CYP2C19: variants seen among roughly 807,000 people sequenced by gnomAD.
CYP2C19 encodes cytochrome P450 family 2 subfamily C member 19.
CYP2C19 carries 59 observed loss-of-function variants against 40.9 expected under a neutral mutation model. The ratio of observed to expected loss-of-function variants is 1.44; its 90% CI spans 1.17 to 1.79. The LOEUF is 1.79. Ranked by LOEUF, CYP2C19 falls within the 40% of genes most tolerant of loss-of-function variation. The pLI is 0.00. For synonymous variants in CYP2C19, 253 were observed against 208.7 expected (o/e 1.21, Z -1.83); for missense variants, 754 against 596.9 (o/e 1.26, Z -2.74).
intron 5 of CYP2C19, among the ~76,000 whole-genome samples, chr10:94,816,579 C>CTT (rs199878684): frequency 2.1e-5 from 3 of 145,286 alleles, no homozygotes; most frequent in African/African-American, 7.5e-5. Context: ...TAGTCTCTTT[C>CTT]TTTTTTTTTT....
chr10:94,784,906 C>G (rs1049558305), intron 5 of CYP2C19, among the ~76,000 whole-genome samples: 3 of 152,038 alleles, frequency 2.0e-5, no homozygotes, highest in African/African-American at 7.2e-5. Context: ...GTGGTTTTAA[C>G]TTGTATTTAA....
chr10:94,852,791 C>T lies in CYP2C19; in HGVS notation c.1350C>T (p.Thr450=), dbSNP rs774515573. The T allele has an allele frequency of 4.3e-6, 7 of 1,613,936 alleles. No individual in the cohort carries two copies. Among genetic ancestry groups the T allele is most frequent in the Non-Finnish European group, 5.9e-6 (7 of 1,179,972 alleles). The change falls in exon 9 of 9, where the codon ACC becomes ACT. Residue 450 remains threonine, a synonymous_variant. Coordinates refer to ENST00000371321, the MANE Select transcript of CYP2C19 (RefSeq NM_000769.4). ...LARMELFLFL[T]FILQNFNLKS... Reference sequence around the variant, plus strand: ...GCATGGAGCTGTTTTTATTCCTGACCTTCATTTTACAGAACTTTAACCTGA... The same window carrying T: ...GCATGGAGCTGTTTTTATTCCTGACTTTCATTTTACAGAACTTTAACCTGA...
rs1220267274 is a variant in CYP2C19, at chr10:94,820,560, T to C, written c.884T>C (p.Leu295Pro). ...ENLVITAADL[L>P]GAGTETTSTT... ...TTGGTAATCACTGCAGCTGACTTAC[T>C]TGGAGCTGGGACAGAGACAACAAGC... Residue 295 changes from leucine to proline, a missense_variant, in exon 6 of 9, where the codon CTT becomes CCT. Leu to Pro is a moderately conservative substitution (Grantham distance 98). Coordinates refer to ENST00000371321, the MANE Select transcript of CYP2C19 (RefSeq NM_000769.4). 6.2e-7 allele frequency: 1 copy of C among 1,614,088 alleles called. No homozygotes were observed. Among genetic ancestry groups the C allele is most frequent in the Non-Finnish European group, 8.5e-7 (1 of 1,180,048 alleles).
intron 5 of CYP2C19, among the ~76,000 whole-genome samples, chr10:94,813,254 G>C (rs1848952808): frequency 6.6e-6 from 1 of 152,108 alleles, no homozygotes; most frequent in Non-Finnish European, 1.5e-5. Context: ...TCGTCCTAGA[G>C]GGACACTTGC....
chr10:94,797,607 C>A (rs1848707195), intron 5 of CYP2C19, among the ~76,000 whole-genome samples: 1 of 152,142 alleles, frequency 6.6e-6, no homozygotes, highest in East Asian at 1.9e-4. Flanking sequence ...AGCTGTGAAT[C>A]CTTCTGGTCC....
At chr10:94,811,416 G>T (rs1848921418) in intron 5 of CYP2C19, among the ~76,000 whole-genome samples, 1 of 152,118 alleles carries the variant, frequency 6.6e-6, no homozygotes, top group Non-Finnish European at 1.5e-5. Context: ...CCAGAGCTTA[G>T]TTCAAGTCCT....
At chr10:94,834,217 T>G (rs946828935) in intron 6 of CYP2C19, among the ~76,000 whole-genome samples, 3 of 152,178 alleles carry the variant, frequency 2.0e-5, no homozygotes, top group Admixed American at 2.0e-4. Flanking sequence ...TTCTTCCTGG[T>G]TCAATCTCAA....
At chr10:94,820,743 T>A in intron 6 of CYP2C19, 106 bp downstream of exon 6, 1 of 1,411,984 alleles carries the variant, frequency 7.1e-7, no homozygotes. Context: ...TTATTTAAAT[T>A]TCTGTGCCCG....
At chr10:94,844,974 C>T (rs138588506) in intron 7 of CYP2C19, among the ~76,000 whole-genome samples, 112 of 152,300 alleles carry the variant, frequency 7.4e-4, no homozygotes, top group Middle Eastern at 3.4e-3. Context: ...CAGGGCAGCT[C>T]ATGCTATGCC....
Position 94,796,579 on chromosome 10 carries a change from C to G in CYP2C19, c.819+14582C>G, listed in dbSNP as rs917456301. On this transcript the variant is annotated intron_variant, in intron 5 of 8. Transcript: ENST00000371321. ...GGATGGCATTGAATCTATAAATTACCTTGGGCAGTATGGCCATTTTCACGA... is the reference window on the plus strand; with the variant it reads ...GGATGGCATTGAATCTATAAATTACGTTGGGCAGTATGGCCATTTTCACGA... 1.1e-4 allele frequency among the ~76,000 whole-genome samples: 17 copies of G among 152,140 alleles called. 1 individual carries two copies. The highest frequency in any genetic ancestry group is 9.8e-4 in the Admixed American group (15 of 15,286).
chr10:94,810,715 G>A (rs942742994), intron 5 of CYP2C19, among the ~76,000 whole-genome samples: 4 of 152,142 alleles, frequency 2.6e-5, no homozygotes, highest in African/African-American at 4.8e-5. Flanking sequence ...TTGTATTTCT[G>A]TAGGATCAGT....
intron 5 of CYP2C19, among the ~76,000 whole-genome samples, chr10:94,816,729 TC>T (rs1183682259): frequency 3.2e-5 from 3 of 93,032 alleles, no homozygotes; most frequent in African/African-American, 4.3e-5. Flanking sequence ...CCCTCCCCCC[TC>T]CCCCCACCCC....
rs897508553 is a variant in CYP2C19, at chr10:94,771,577, T to C, written c.169-3481T>C. 2.6e-5 allele frequency among the ~76,000 whole-genome samples: 4 copies of C among 152,108 alleles called. No homozygotes were observed. In the South Asian group the frequency reaches 8.3e-4, roughly 32 times the overall value. On this transcript the variant is annotated intron_variant, in intron 1 of 8. Transcript: ENST00000371321. ...GCAGAAAAAAATGAGCCACCTCTTT[T>C]TCAGGGTTTGTGAGTCAAATTGGTC... is the stretch of plus-strand genomic sequence containing the variant.
intron 3 of CYP2C19, among the ~76,000 whole-genome samples, chr10:94,778,742 A>C (rs1168759760): frequency 6.6e-6 from 1 of 152,200 alleles, no homozygotes; most frequent in Non-Finnish European, 1.5e-5. Flanking sequence ...ATTCCATTTG[A>C]TCTAGCAATC....
At chr10:94,831,892 A>G (rs940439218) in intron 6 of CYP2C19, among the ~76,000 whole-genome samples, 5 of 152,144 alleles carry the variant, frequency 3.3e-5, no homozygotes, top group African/African-American at 4.8e-5. Flanking sequence ...TGCTGTGCAG[A>G]AACTTTTTAA....
chr10:94,853,973 T>C lies in CYP2C19; in HGVS notation c.*1059T>C, dbSNP rs1849694892. On this transcript the variant is annotated 3_prime_UTR_variant, in exon 9 of 9. Transcript: ENST00000371321. ...ATATGCTTTCATATTGCTGCTCATG[T>C]GTTTTGTCATGCTTCTCTCTTCAAA... Among the ~76,000 whole-genome samples the C allele has an allele frequency of 6.6e-6, 1 of 152,322 alleles. No individual in the cohort carries two copies. Among genetic ancestry groups the C allele is most frequent in the Non-Finnish European group, 1.5e-5 (1 of 68,028 alleles).
rs778964817 is a variant in CYP2C19, at chr10:94,782,074, G to A, written c.819+77G>A. On this transcript the variant is annotated intron_variant, in intron 5 of 8. Coordinates refer to ENST00000371321, the MANE Select transcript of CYP2C19 (RefSeq NM_000769.4). ...CATTGACTAGTTTTGTGTTTACTACGGATGTTTAACAGGTCAAGGAGTAAT... is the reference window on the plus strand; with the variant it reads ...CATTGACTAGTTTTGTGTTTACTACAGATGTTTAACAGGTCAAGGAGTAAT... 126 of 1,274,748 alleles carry A rather than the reference G, an allele frequency of 9.9e-5. 1 individual carries two copies. The highest frequency in any genetic ancestry group is 1.2e-4 in the Non-Finnish European group (116 of 932,374). The allele number at this position is 1,274,748 out of a possible 1,614,324, so 79.0% of individuals were successfully genotyped here.
intron 5 of CYP2C19, among the ~76,000 whole-genome samples, chr10:94,801,782 G>A (rs143340966): frequency 0.014 from 2,088 of 152,172 alleles, 53 homozygotes; most frequent in African/African-American, 0.046. Flanking sequence ...CCCTGTATTG[G>A]GTGCATATAA....
chr10:94,784,853 G>A (rs1323183264), intron 5 of CYP2C19, among the ~76,000 whole-genome samples: 1 of 152,016 alleles, frequency 6.6e-6, no homozygotes, highest in Non-Finnish European at 1.5e-5. Flanking sequence ...GCATCCCTAA[G>A]TGCTGGGATT....
Sources: gnomAD v4.1 joint callset for allele counts (sites outside exome capture counted in the v4.1 genomes callset) on GRCh38, gnomAD v4.1.1 for gene constraint, MANE v1.5 for transcripts, NCBI Gene and HGNC (gene_info 2026-07-23, HGNC 2026-07-21) for gene names.